BRWD3: variants seen among roughly 807,000 people sequenced by gnomAD.
BRWD3 encodes bromodomain and WD repeat-containing protein 3.
Under a neutral mutation model 149.7 loss-of-function variants are expected in BRWD3, and 10 were observed. That is an observed-to-expected ratio of 0.07 (90% CI 0.04 to 0.11). BRWD3 has a LOEUF of 0.11. Among genes scored for constraint, BRWD3 ranks in the 10% least tolerant of loss-of-function variants. The pLI is 1.00. For synonymous variants in BRWD3, 504 were observed against 456.7 expected (o/e 1.10, Z -1.32); for missense variants, 940 against 1,373.2 (o/e 0.68, Z 4.99).
At chrX:80,682,367 T>C in intron 38 of BRWD3, 98 bp downstream of exon 38, 1 of 984,260 alleles carries the variant, frequency 1.0e-6, no homozygotes, top group Admixed American at 2.2e-5. Flanking sequence ...AAAAAAGACC[T>C]CTTGGGATCT....
intron 6 of BRWD3, among the ~76,000 whole-genome samples, chrX:80,790,130 G>A (rs2074163458): frequency 1.0e-5 from 1 of 96,389 alleles, no homozygotes; most frequent in Non-Finnish European, 2.0e-5. Context: ...AGGTTGCAGT[G>A]AGCAGAGATT....
At chrX:80,714,017 A>G (rs2073036765) in intron 20 of BRWD3, among the ~76,000 whole-genome samples, 1 of 111,602 alleles carries the variant, frequency 9.0e-6, no homozygotes, top group South Asian at 3.7e-4. Context: ...TTTCTTTGCC[A>G]TATCTTGAAA....
intron 38 of BRWD3, 21 bp downstream of exon 38, chrX:80,682,444 G>A (rs2072464234): frequency 8.3e-7 from 1 of 1,201,797 alleles, no homozygotes; most frequent in Non-Finnish European, 1.1e-6. Flanking sequence ...AACAAAAAAT[G>A]TTGCATCAAT....
chrX:80,784,697 G>A, intron 6 of BRWD3, among the ~76,000 whole-genome samples: 1 of 112,036 alleles, frequency 8.9e-6, no homozygotes, highest in East Asian at 2.8e-4. Context: ...CTTCATCCAT[G>A]TCCCTGCAAA....
chrX:80,716,187 C>T lies in BRWD3; in HGVS notation c.2295G>A (p.Lys765=). ...DIEISLYTVE[K]KKKPSYTTQR... ...GAGTAGTGTAAGATGGCTTTTTCTT[C>T]TTTTCAACTGTATAAAGACTGATTT... Residue 765 remains lysine, a synonymous_variant, in exon 20 of 41, where the codon AAG becomes AAA. Transcript: ENST00000373275. The T allele has an allele frequency of 8.3e-7, 1 of 1,209,490 alleles. No homozygotes were observed. Among genetic ancestry groups the T allele is most frequent in the Non-Finnish European group, 1.1e-6 (1 of 893,889 alleles).
rs763933804 is a variant in BRWD3 at position 80,801,214 on chromosome X, C to CTTTT, written c.180+7321_180+7324dup. 2.3e-3 allele frequency among the ~76,000 whole-genome samples: 132 copies of CTTTT among 57,351 alleles called. 2 individuals carry two copies. Among genetic ancestry groups the CTTTT allele is most frequent in the Non-Finnish European group, 2.7e-3 (89 of 33,422 alleles). The allele number at this position is 57,351 out of a possible 115,157, so 49.8% of individuals were successfully genotyped here. On this transcript the variant is annotated intron_variant, in intron 4 of 40. Coordinates refer to ENST00000373275, the MANE Select transcript of BRWD3 (RefSeq NM_153252.5). ...GATACTAAGGGGCATGAGAAAACAT[C>CTTTT]TTTTTTTTTTTTTTTTTTTTTTTGA... is the stretch of plus-strand genomic sequence containing the variant.
intron 6 of BRWD3, among the ~76,000 whole-genome samples, chrX:80,767,180 G>C (rs1315971020): frequency 8.9e-6 from 1 of 112,379 alleles, no homozygotes; most frequent in Non-Finnish European, 1.9e-5. Flanking sequence ...CTGTCTGACA[G>C]CTCTGAAGAG....
At chrX:80,767,323 C>T (rs1396673102) in intron 6 of BRWD3, among the ~76,000 whole-genome samples, 2 of 111,328 alleles carry the variant, frequency 1.8e-5, no homozygotes, top group East Asian at 2.8e-4. Flanking sequence ...TCATACAGCC[C>T]GGTGCCCCTC....
chrX:80,747,234 T>C (rs963408368), intron 6 of BRWD3, among the ~76,000 whole-genome samples: 1 of 109,477 alleles, frequency 9.1e-6, no homozygotes, highest in Non-Finnish European at 1.9e-5. Flanking sequence ...TGCAGGTAGA[T>C]GCAGGGGAGA....
intron 6 of BRWD3, among the ~76,000 whole-genome samples, chrX:80,788,848 G>A (rs1043690844): frequency 8.9e-6 from 1 of 111,776 alleles, no homozygotes; most frequent in Non-Finnish European, 1.9e-5. Flanking sequence ...AGACATAAAA[G>A]GCTACTTACT....
At chrX:80,736,224 G>T (rs1396183907) in intron 8 of BRWD3, 136 bp from the exon 9 acceptor site, 4 of 414,887 alleles carry the variant, frequency 9.6e-6, no homozygotes, top group Admixed American at 4.3e-5. Context: ...TGTTTCAAGG[G>T]ACTATTTAAC....
rs1227283706 is a variant in BRWD3 at position 80,809,698 on chromosome X, A to G, written c.-227T>C. On this transcript the variant is annotated 5_prime_UTR_variant, in exon 1 of 41. Transcript: ENST00000373275. ...GGAGGAGGAAGGAGAGGAGAGGGAG[A>G]GGGAGAGAGAGAGTGAGTGAGTGAG... 1.1e-5 allele frequency: 4 copies of G among 351,802 alleles called. No homozygotes were observed. In the East Asian group the frequency reaches 1.5e-4, roughly 13 times the overall value. 29.0% of individuals were successfully genotyped at this position (351,802 alleles called of 1,213,427 possible).
At position 80,730,040 on chromosome X, in the gene BRWD3, CTT is replaced by C. The variant is rs2073303171; in HGVS notation, c.1128-22_1128-21del. 1 of 1,084,295 alleles carries C rather than the reference CTT, an allele frequency of 9.2e-7. No individual in the cohort carries two copies. Among genetic ancestry groups the C allele is most frequent in the African/African-American group, 1.8e-5 (1 of 54,880 alleles). The allele number at this position is 1,084,295 out of a possible 1,213,427, so 89.4% of individuals were successfully genotyped here. ...CTTAAACTAGAAAGAGTTAAAATAA[CTT>C]TATTAATTTTCTCAAAAATGTAAAT... On this transcript the variant is annotated intron_variant, in intron 12 of 40. Coordinates refer to ENST00000373275, the MANE Select transcript of BRWD3 (RefSeq NM_153252.5).
chrX:80,699,869 G>A lies in BRWD3; in HGVS notation c.2943+88C>T, dbSNP rs1312316798. 4 of 602,733 alleles carry A rather than the reference G, an allele frequency of 6.6e-6. No homozygotes were observed. The East Asian group carries it at 1.1e-4, about 16-fold the overall frequency. 49.7% of individuals were successfully genotyped at this position (602,733 alleles called of 1,213,427 possible). On this transcript the variant is annotated intron_variant, in intron 25 of 40. Transcript: ENST00000373275. ...GGATACACAATCAACAGTGAAATAT[G>A]CATAAAACTGAGGGGAAAAAACCAT...
chrX:80,676,418 G>A lies in BRWD3; in HGVS notation c.*191C>T, dbSNP rs1602293066. The A allele has an allele frequency of 1.9e-6, 1 of 526,148 alleles. No homozygotes were observed. The highest frequency in any genetic ancestry group is 3.0e-6 in the Non-Finnish European group (1 of 327,883). The allele number at this position is 526,148 out of a possible 1,213,427, so 43.4% of individuals were successfully genotyped here. ...TTTCTTTTAATTTAAGGCCTAATGA[G>A]TAAGGCTTATTTGAACAAATGAAGT... On this transcript the variant is annotated 3_prime_UTR_variant, in exon 41 of 41. Transcript: ENST00000373275.
intron 20 of BRWD3, chrX:80,709,943 G>A: frequency 1.1e-6 from 1 of 945,519 alleles, no homozygotes; most frequent in East Asian, 3.1e-5. Context: ...AAACCAGTAT[G>A]ACAATGATAT....
intron 35 of BRWD3, among the ~76,000 whole-genome samples, chrX:80,686,064 A>G (rs192883995): frequency 3.6e-5 from 4 of 111,464 alleles, no homozygotes; most frequent in African/African-American, 9.8e-5. Flanking sequence ...TCCATGGTGT[A>G]TATGTGCCAC....
At chrX:80,773,888 T>C (rs2073973492) in intron 6 of BRWD3, among the ~76,000 whole-genome samples, 1 of 112,464 alleles carries the variant, frequency 8.9e-6, no homozygotes, top group African/African-American at 3.2e-5. Context: ...TACAATCACA[T>C]TCTGGCATCT....
In BRWD3 at chrX:80,700,027, C is replaced by T; in HGVS notation, c.2873G>A (p.Arg958Gln). ...GTATATTTTCGATTTCCTTACAGCC[C>T]GAACATAAGCTTCATGTCCTTGCCT... ...YFRQGHEAYV[R>Q]AVRKSKIYSV... Residue 958 changes from arginine (R) to glutamine (Q), a missense_variant, in exon 25 of 41, where the codon CGG becomes CAG. Coordinates refer to ENST00000373275, the MANE Select transcript of BRWD3 (RefSeq NM_153252.5). The T allele has an allele frequency of 2.5e-6, 3 of 1,209,332 alleles. No homozygotes were observed. Among genetic ancestry groups the T allele is most frequent in the Non-Finnish European group, 2.2e-6 (2 of 894,242 alleles).
Sources: gnomAD v4.1 joint callset for allele counts (sites outside exome capture counted in the v4.1 genomes callset) on GRCh38, gnomAD v4.1.1 for gene constraint, MANE v1.5 for transcripts, NCBI Gene and HGNC (gene_info 2026-07-23, HGNC 2026-07-21) for gene names.